Variants in CCNY observed in about 807,000 individuals in gnomAD.
The protein encoded by CCNY is cyclin-Y.
CCNY carries 19 observed loss-of-function variants against 42.8 expected under a neutral mutation model. That is an observed-to-expected ratio of 0.44 (90% CI 0.31 to 0.65). The LOEUF is 0.65. Ranked by LOEUF, CCNY falls within the 30% of genes least tolerant of loss-of-function variation. The pLI, the probability that CCNY is intolerant of heterozygous loss-of-function variation, is 0.07. For synonymous variants in CCNY, 165 were observed against 162.7 expected (o/e 1.01, Z -0.11); for missense variants, 370 against 437.3 (o/e 0.85, Z 1.37).
At chr10:35,396,460 C>G (rs1049673861) in intron 1 of CCNY, among the ~76,000 whole-genome samples, 1 of 152,188 alleles carries the variant, frequency 6.6e-6, no homozygotes, top group Non-Finnish European at 1.5e-5. Flanking sequence ...GAGAATGAGC[C>G]CTCCTTCTTG....
At chr10:35,254,032 T>C (rs1478953429) in intron 3 of CCNY, among the ~76,000 whole-genome samples, 1 of 136,328 alleles carries the variant, frequency 7.3e-6, no homozygotes, top group Non-Finnish European at 1.6e-5. Flanking sequence ...CCCGCCACCA[T>C]GCCCAGCTAA....
intron 1 of CCNY, among the ~76,000 whole-genome samples, chr10:35,354,527 G>A (rs1836501313): frequency 1.3e-5 from 2 of 152,090 alleles, no homozygotes; most frequent in South Asian, 2.1e-4. Context: ...GTGACATTTC[G>A]TCACTGCTAT....
At chr10:35,273,204 T>G (rs1170101518) in intron 3 of CCNY, among the ~76,000 whole-genome samples, 1 of 151,732 alleles carries the variant, frequency 6.6e-6, no homozygotes, top group Admixed American at 6.6e-5. Context: ...CATTCTTAAT[T>G]AACTTTTTTT....
chr10:35,293,123 G>T (rs1294227685), intron 3 of CCNY, among the ~76,000 whole-genome samples: 2 of 152,134 alleles, frequency 1.3e-5, no homozygotes, highest in East Asian at 3.8e-4. Flanking sequence ...TTACCCGTAA[G>T]TCCTTAATCT....
intron 7 of CCNY, among the ~76,000 whole-genome samples, chr10:35,543,346 A>T (rs1357027861): frequency 3.9e-5 from 6 of 152,240 alleles, no homozygotes; most frequent in Admixed American, 2.6e-4. Flanking sequence ...GTCCTCTCCC[A>T]ATGGAGTCAT....
chr10:35,467,545 A>G (rs1404720954), intron 1 of CCNY, among the ~76,000 whole-genome samples: 1 of 152,220 alleles, frequency 6.6e-6, no homozygotes, highest in Non-Finnish European at 1.5e-5. Context: ...TGTGTCTAGC[A>G]CCAATAGATT....
At chr10:35,289,281 T>A (rs1835386199) in intron 3 of CCNY, 1 of 152,212 alleles carries the variant, frequency 6.6e-6, no homozygotes. Context: ...ATTAACAATG[T>A]ACATTTTTTA....
rs564181624 is a variant in CCNY at position 35,530,594 on chromosome 10, C to G, written c.579+351C>G. ...GTCTAGGTTTCCTGGTGTTGATTCC[C>G]TACAAAGATTGTAATAGTATTAGTA... On this transcript the variant is annotated intron_variant, in intron 7 of 9. Coordinates refer to ENST00000374704, the MANE Select transcript of CCNY (RefSeq NM_145012.6). The surrounding 1 kb of genome is among the most constrained non-coding windows in gnomAD (Gnocchi z 4.3). Among the ~76,000 whole-genome samples, 47 of 152,092 alleles carry G rather than the reference C, an allele frequency of 3.1e-4. No individual in the cohort carries two copies. Among genetic ancestry groups the G allele is most frequent in the Non-Finnish European group, 5.7e-4 (39 of 68,032 alleles).
At chr10:35,375,681 TAATA>T (rs1490281707) in intron 1 of CCNY, among the ~76,000 whole-genome samples, 2 of 152,242 alleles carry the variant, frequency 1.3e-5, no homozygotes, top group Admixed American at 1.3e-4. Context: ...CTCACAGATG[TAATA>T]AATATTGCAA....
chr10:35,335,943 T>G (rs1284490381), upstream of CCNY: 1 of 151,734 alleles, frequency 6.6e-6, no homozygotes, highest in Non-Finnish European at 1.5e-5. Flanking sequence ...CCAGGCGTGG[T>G]GGCGCGCGCC....
intron 1 of CCNY, among the ~76,000 whole-genome samples, chr10:35,414,440 G>A (rs1837980964): frequency 6.6e-6 from 1 of 152,202 alleles, no homozygotes; most frequent in South Asian, 2.1e-4. Context: ...CTTCATCAAA[G>A]CCAGCCAGAG....
chr10:35,519,212 G>C (rs1482343810), intron 4 of CCNY, among the ~76,000 whole-genome samples: 3 of 151,552 alleles, frequency 2.0e-5, no homozygotes, highest in African/African-American at 7.3e-5. Context: ...GAGGCATACT[G>C]TGGGTATTTG....
intron 1 of CCNY, among the ~76,000 whole-genome samples, chr10:35,415,910 T>C (rs1275945343): frequency 3.3e-5 from 5 of 152,250 alleles, no homozygotes; most frequent in Non-Finnish European, 7.3e-5. Context: ...GAGAGTTTTA[T>C]AGATAAAAAC....
At chr10:35,256,502 G>A (rs1589001546) in intron 3 of CCNY, among the ~76,000 whole-genome samples, 4 of 152,194 alleles carry the variant, frequency 2.6e-5, no homozygotes, top group East Asian at 1.9e-4. Flanking sequence ...GGGGGGTCAA[G>A]GTGGCTGGAT....
At chr10:35,328,254 A>G (rs1835901582) in intron 3 of CCNY, among the ~76,000 whole-genome samples, 1 of 152,156 alleles carries the variant, frequency 6.6e-6, no homozygotes, top group Non-Finnish European at 1.5e-5. Flanking sequence ...GCCTCTTTCC[A>G]GCCCAGTACC....
chr10:35,398,871 AG>A (rs753556280), intron 1 of CCNY, among the ~76,000 whole-genome samples: 15 of 152,184 alleles, frequency 9.9e-5, no homozygotes, highest in Non-Finnish European at 1.8e-4. Flanking sequence ...TATTCTGAGA[AG>A]GGGTTTAGCC....
At chr10:35,382,516 C>T (rs1347132410) in intron 1 of CCNY, among the ~76,000 whole-genome samples, 1 of 152,190 alleles carries the variant, frequency 6.6e-6, no homozygotes, top group Non-Finnish European at 1.5e-5. Flanking sequence ...GCCCCCAGGG[C>T]ACATTTGGCA....
At chr10:35,293,112 C>G (rs1835434460) in intron 3 of CCNY, among the ~76,000 whole-genome samples, 1 of 152,100 alleles carries the variant, frequency 6.6e-6, no homozygotes, top group African/African-American at 2.4e-5. Context: ...AGTTTTAGCT[C>G]TTACCCGTAA....
At chr10:35,468,891 C>G (rs1022462172) in intron 1 of CCNY, among the ~76,000 whole-genome samples, 4 of 152,122 alleles carry the variant, frequency 2.6e-5, no homozygotes, top group Non-Finnish European at 5.9e-5. Context: ...GCCAGCCCAG[C>G]CTCCTTTTCA....
Sources: gnomAD v4.1 joint callset for allele counts (sites outside exome capture counted in the v4.1 genomes callset) on GRCh38, gnomAD v4.1.1 for gene constraint, Gnocchi (gnomAD v3.1) non-coding constraint, MANE v1.5 for transcripts, NCBI Gene and HGNC (gene_info 2026-07-23, HGNC 2026-07-21) for gene names.